PPP1R3A: variants seen among roughly 807,000 people sequenced by gnomAD.
PPP1R3A encodes RG1.
A neutral mutation model predicts 41.7 loss-of-function variants in PPP1R3A; 29 were observed. The observed-to-expected ratio is 0.70, with a 90% CI of 0.52 to 0.95. The LOEUF is 0.95. Among genes scored for constraint, PPP1R3A ranks in the 40% least tolerant of loss-of-function variants. The probability of loss-of-function intolerance (pLI) is 0.00; values close to 1 mark genes in which losing one functional copy is unlikely to be tolerated. For synonymous variants in PPP1R3A, 485 were observed against 453.4 expected (o/e 1.07, Z -0.89); for missense variants, 1,352 against 1,292.4 (o/e 1.05, Z -0.71).
rs754146113 is a variant in PPP1R3A, at chr7:113,918,462, T to C, written c.535A>G (p.Asn179Asp). The stretch of plus-strand genomic sequence containing the variant: ...TGGTCAGTTTCACCATCACATGAAT[T>C]AGGAACATATTCTGCTAAAATGTCA... Reference protein sequence around the residue: ...HYDILAEYVPNSCDGETDQFS... With the variant: ...HYDILAEYVPDSCDGETDQFS... Residue 179 changes from asparagine to aspartate, a missense_variant, in exon 1 of 4, where the codon AAT becomes GAT. Transcript: ENST00000284601. 1 of 1,613,276 alleles carries C rather than the reference T, an allele frequency of 6.2e-7. No individual in the cohort carries two copies. The highest frequency in any genetic ancestry group is 8.5e-7 in the Non-Finnish European group (1 of 1,179,656).
chr7:113,878,997 T>C lies in PPP1R3A; in HGVS notation c.2095A>G (p.Thr699Ala), dbSNP rs1252189357. ...RDNTRSLKAT[T>A]EELFTCQETV... ...TCTTGGCAGGTAAACAATTCTTCTG[T>C]AGTAGCTTTCAAACTCCTCGTATTA... is the stretch of plus-strand genomic sequence containing the variant. The change falls in exon 4 of 4, where the codon ACA becomes GCA. Residue 699 changes from threonine (T) to alanine (A), a missense_variant. By Grantham distance (58) the Thr-to-Ala change is moderately conservative. Transcript: ENST00000284601. 6.2e-7 allele frequency: 1 copy of C among 1,613,544 alleles called. No homozygotes were observed. The highest frequency in any genetic ancestry group is 8.5e-7 in the Non-Finnish European group (1 of 1,179,802).
At chr7:113,906,090 T>C (rs903182879) in intron 1 of PPP1R3A, among the ~76,000 whole-genome samples, 2 of 151,806 alleles carry the variant, frequency 1.3e-5, no homozygotes, top group South Asian at 2.1e-4. Context: ...AATTAGAGTA[T>C]GCTGTAGCAG....
intron 1 of PPP1R3A, among the ~76,000 whole-genome samples, chr7:113,888,427 A>G (rs1460467219): frequency 2.6e-5 from 4 of 152,150 alleles, no homozygotes; most frequent in African/African-American, 9.7e-5. Context: ...TATGAGTTTT[A>G]ATTTTTGTTG....
At chr7:113,900,853 T>G (rs535850352) in intron 1 of PPP1R3A, among the ~76,000 whole-genome samples, 1 of 150,982 alleles carries the variant, frequency 6.6e-6, no homozygotes, top group South Asian at 2.1e-4. Context: ...CTAATTTACA[T>G]AAACTTATCC....
rs1796737767 is a variant in PPP1R3A at position 113,883,859 on chromosome 7, C to G, written c.783-1539G>C. On this transcript the variant is annotated intron_variant, in intron 1 of 3. Transcript: ENST00000284601. ...CCAATCACTTCTCTAATTCAATTCT[C>G]TAATATAATTTAATTCTTAAAAAAT... Among the ~76,000 whole-genome samples the G allele has an allele frequency of 2.0e-5, 3 of 151,870 alleles. No individual in the cohort carries two copies. In the South Asian group the frequency reaches 6.2e-4, roughly 31 times the overall value.
chr7:113,900,684 GTATA>G (rs1037100500), intron 1 of PPP1R3A, among the ~76,000 whole-genome samples: 13 of 147,562 alleles, frequency 8.8e-5, no homozygotes, highest in East Asian at 6.0e-4. Context: ...CTTTATATGT[GTATA>G]TATAGTGATT....
intron 1 of PPP1R3A, among the ~76,000 whole-genome samples, chr7:113,909,879 G>A (rs1797213806): frequency 6.6e-6 from 1 of 151,970 alleles, no homozygotes; most frequent in African/African-American, 2.4e-5. Flanking sequence ...CATTATTGAA[G>A]AACATAATCT....
In PPP1R3A at chr7:113,891,084, C is replaced by CAAAAAAAAA. The variant is rs11342726; in HGVS notation, c.783-8773_783-8765dup. On this transcript the variant is annotated intron_variant, in intron 1 of 3. Transcript: ENST00000284601. Reference sequence around the variant, plus strand: ...GGGTCAATATGTGGTGGAAAAAAAGCAAAAAAAAAAAAAAAAAAAAAAAAA... The same window carrying CAAAAAAAAA: ...GGGTCAATATGTGGTGGAAAAAAAGCAAAAAAAAAAAAAAAAAAAAAAAAAAAAAAAAAA... Among the ~76,000 whole-genome samples the CAAAAAAAAA allele has an allele frequency of 4.5e-4, 36 of 79,790 alleles. 5 individuals are homozygous for CAAAAAAAAA. Among genetic ancestry groups the CAAAAAAAAA allele is most frequent in the African/African-American group, 1.7e-3 (33 of 19,308 alleles). 52.3% of individuals were successfully genotyped at this position (79,790 alleles called of 152,430 possible). A position where few individuals can be genotyped will look rare whatever the true frequency, so the allele number is the denominator to read the frequency against.
chr7:113,882,977 T>C (rs1796720257), intron 1 of PPP1R3A, among the ~76,000 whole-genome samples: 1 of 152,040 alleles, frequency 6.6e-6, no homozygotes, highest in African/African-American at 2.4e-5. Context: ...TATGCAAGCA[T>C]ATACTTTCCT....
At chr7:113,916,821 T>C (rs1326072644) in intron 1 of PPP1R3A, among the ~76,000 whole-genome samples, 2 of 152,084 alleles carry the variant, frequency 1.3e-5, no homozygotes, top group African/African-American at 4.8e-5. Context: ...AACATCTAAA[T>C]TATTATTTTA....
chr7:113,891,191 G>A lies in PPP1R3A; in HGVS notation c.783-8871C>T, dbSNP rs58711621. ...TTACTCACCATTTGACTTTAGTCAA[G>A]ATACTTAATCAACCTCTCTGCGCCT... On this transcript the variant is annotated intron_variant, in intron 1 of 3. Coordinates refer to ENST00000284601, the MANE Select transcript of PPP1R3A (RefSeq NM_002711.4). Among the ~76,000 whole-genome samples, 779 of 145,230 alleles carry A rather than the reference G, an allele frequency of 5.4e-3. 7 individuals carry two copies. The highest frequency in any genetic ancestry group is 0.019 in the African/African-American group (741 of 38,680).
At position 113,882,620 on chromosome 7, in the gene PPP1R3A, A is replaced by C. The variant is rs140286052; in HGVS notation, c.783-300T>G. ...TTAAAACTTATATAACCAAAGTAAA[A>C]ACATATGTAAATGTAGATTATTCTA... On this transcript the variant is annotated intron_variant, in intron 1 of 3. Coordinates refer to ENST00000284601, the MANE Select transcript of PPP1R3A (RefSeq NM_002711.4). Among the ~76,000 whole-genome samples, 1,121 of 152,076 alleles carry C rather than the reference A, an allele frequency of 7.4e-3. 14 individuals are homozygous for C. The highest frequency in any genetic ancestry group is 0.025 in the African/African-American group (1,037 of 41,550).
chr7:113,883,150 T>TA (rs1408594289), intron 1 of PPP1R3A, among the ~76,000 whole-genome samples: 5 of 152,088 alleles, frequency 3.3e-5, no homozygotes, highest in African/African-American at 7.2e-5. Context: ...AAAATGTTGG[T>TA]AAAAAAAGCT....
intron 1 of PPP1R3A, among the ~76,000 whole-genome samples, chr7:113,915,203 C>T (rs769353943): frequency 2.0e-5 from 3 of 151,994 alleles, no homozygotes; most frequent in African/African-American, 4.8e-5. Flanking sequence ...AAATAGACAA[C>T]CCACACCAAT....
chr7:113,882,389 G>A (rs1796709534), intron 1 of PPP1R3A, 69 bp from the exon 2 acceptor site: 1 of 943,576 alleles, frequency 1.1e-6, no homozygotes, highest in East Asian at 2.6e-5. Flanking sequence ...TTTACACAGG[G>A]GGAAATTCAA....
chr7:113,918,250 G>T lies in PPP1R3A; in HGVS notation c.747C>A (p.Asn249Lys). The change falls in exon 1 of 4, where the codon AAC becomes AAA. Residue 249 changes from asparagine (N) to lysine (K), a missense_variant. Coordinates refer to ENST00000284601, the MANE Select transcript of PPP1R3A (RefSeq NM_002711.4). Reference protein sequence around the residue: ...EPVKPWKEVPNRQIKGCLKVK... With the variant: ...EPVKPWKEVPKRQIKGCLKVK... ...CCTTTAAGCAGCCTTTTATTTGTCT[G>T]TTAGGAACTTCTTTCCATGGTTTTA... is the stretch of plus-strand genomic sequence containing the variant. 1 of 1,606,838 alleles carries T rather than the reference G, an allele frequency of 6.2e-7. No homozygotes were observed. The highest frequency in any genetic ancestry group is 8.5e-7 in the Non-Finnish European group (1 of 1,177,508).
At chr7:113,913,938 C>A (rs949160942) in intron 1 of PPP1R3A, among the ~76,000 whole-genome samples, 1 of 152,086 alleles carries the variant, frequency 6.6e-6, no homozygotes, top group Non-Finnish European at 1.5e-5. Flanking sequence ...TTCACAGGCG[C>A]CTGTCTCCAG....
At chr7:113,908,609 T>C (rs1797185551) in intron 1 of PPP1R3A, among the ~76,000 whole-genome samples, 1 of 151,974 alleles carries the variant, frequency 6.6e-6, no homozygotes, top group South Asian at 2.1e-4. Context: ...AAGGATACAA[T>C]GTAAACCAAT....
chr7:113,882,307 A>G lies in PPP1R3A; in HGVS notation c.796T>C (p.Ser266Pro), dbSNP rs772589713. The G allele has an allele frequency of 2.7e-6, 4 of 1,460,058 alleles. No homozygotes were observed. The highest frequency in any genetic ancestry group is 3.8e-6 in the Non-Finnish European group (4 of 1,042,936). 90.4% of individuals were successfully genotyped at this position (1,460,058 alleles called of 1,614,324 possible). A position where few individuals can be genotyped will look rare whatever the true frequency, so the allele number is the denominator to read the frequency against. Residue 266 changes from serine (S) to proline (P), a missense_variant, in exon 2 of 4, where the codon TCA becomes CCA. Transcript: ENST00000284601. ...LKVKSSKEES[S>P]VTSEENNFEN... ...AAGTTATTTTCTTCTGATGTTACTG[A>G]TGATTCTTCTTTACTGTTAAATTTA...
Sources: gnomAD v4.1 joint callset for allele counts (sites outside exome capture counted in the v4.1 genomes callset) on GRCh38, gnomAD v4.1.1 for gene constraint, MANE v1.5 for transcripts, NCBI Gene and HGNC (gene_info 2026-07-23, HGNC 2026-07-21) for gene names.